Variants in RFFL observed in about 807,000 individuals in gnomAD.
RFFL encodes the protein ring finger and FYVE like domain containing E3 ubiquitin protein ligase.
In RFFL, 16 loss-of-function variants were observed where a neutral mutation model predicts 40.4. The ratio of observed to expected loss-of-function variants is 0.40; its 90% confidence interval spans 0.27 to 0.60. RFFL has a LOEUF of 0.60. Among genes scored for constraint, RFFL ranks in the 20% least tolerant of loss-of-function variants. The pLI is 0.47. For missense variants in RFFL, 367 were observed against 451.7 expected, an observed-to-expected ratio of 0.81 and a Z score of 1.70; for synonymous variants, 154 against 167.9, an observed-to-expected ratio of 0.92 and a Z score of 0.64.
At chr17:35,027,160 T>C (rs2091046774) in intron 1 of RFFL, among the ~76,000 whole-genome samples, 2 of 152,214 alleles carry the variant, frequency 1.3e-5, no homozygotes, top group Non-Finnish European at 2.9e-5. Flanking sequence ...TATACTATGT[T>C]GTCCATTCAT....
chr17:35,085,557 G>A (rs2091425231), intron 1 of RFFL, among the ~76,000 whole-genome samples: 1 of 152,152 alleles, frequency 6.6e-6, no homozygotes, highest in Non-Finnish European at 1.5e-5. Flanking sequence ...AGTCTCTCAA[G>A]TAGCTGGAAT....
At position 35,007,648 on chromosome 17, in the gene RFFL, AGTC is replaced by A. The variant is rs1490241633; in HGVS notation, c.*4317_*4319del. 1.3e-5 allele frequency: 2 copies of A among 152,128 alleles called. No homozygotes were observed. The highest frequency in any genetic ancestry group is 2.9e-5 in the Non-Finnish European group (2 of 68,086). 9.4% of individuals were successfully genotyped at this position (152,128 alleles called of 1,614,324 possible). ...TTCTCCCAGGGGCTGCATTCTCAGTAGTCTTTTCCCTGCTCCTTGGGCGCCTGG... is the reference window on the plus strand; with the variant it reads ...TTCTCCCAGGGGCTGCATTCTCAGTATTTTCCCTGCTCCTTGGGCGCCTGG... On this transcript the variant is annotated 3_prime_UTR_variant, in exon 7 of 7. Coordinates refer to ENST00000394597, the MANE Select transcript of RFFL (RefSeq NM_001017368.2).
At chr17:35,042,823 C>CAAAAAAA (rs11296826) in intron 1 of RFFL, among the ~76,000 whole-genome samples, 14 of 60,446 alleles carry the variant, frequency 2.3e-4, no homozygotes, top group Admixed American at 4.1e-4. Context: ...GACTCCATCT[C>CAAAAAAA]AAAAAAAAAA....
At chr17:35,013,630 C>T (rs570653164) in intron 6 of RFFL, among the ~76,000 whole-genome samples, 8 of 152,256 alleles carry the variant, frequency 5.3e-5, no homozygotes, top group African/African-American at 1.9e-4. Flanking sequence ...GGGAGTGAAA[C>T]CCATTTGCCT....
At chr17:35,071,515 G>A (rs903822199) in intron 1 of RFFL, among the ~76,000 whole-genome samples, 14 of 152,016 alleles carry the variant, frequency 9.2e-5, no homozygotes, top group Non-Finnish European at 2.1e-4. Flanking sequence ...CTACTTGGGA[G>A]GCTGAGGCAG....
chr17:35,018,037 T>C (rs147814918), intron 3 of RFFL, among the ~76,000 whole-genome samples: 2 of 152,286 alleles, frequency 1.3e-5, no homozygotes, highest in East Asian at 1.9e-4. Flanking sequence ...CATAGTCTCC[T>C]GGGGTTTTTG....
intron 1 of RFFL, among the ~76,000 whole-genome samples, chr17:35,030,410 T>A (rs917732736): frequency 6.6e-6 from 1 of 151,654 alleles, no homozygotes; most frequent in Non-Finnish European, 1.5e-5. Context: ...GGTATCTCAT[T>A]GTGGTTTTGA....
rs2090912819 is a variant in RFFL, at chr17:35,008,564, G to C, written c.*3404C>G. 6.6e-6 allele frequency: 1 copy of C among 151,982 alleles called. No homozygotes were observed. Among genetic ancestry groups the C allele is most frequent in the Non-Finnish European group, 1.5e-5 (1 of 67,992 alleles). 9.4% of individuals were successfully genotyped at this position (151,982 alleles called of 1,614,324 possible). A position where few individuals can be genotyped will look rare whatever the true frequency, so the allele number is the denominator to read the frequency against. ...TCCCACCTCAGCCTTCCAAGTAGTT[G>C]GGACTACCCACATGCACCACCATGC... On this transcript the variant is annotated 3_prime_UTR_variant, in exon 7 of 7. Coordinates refer to ENST00000394597, the MANE Select transcript of RFFL (RefSeq NM_001017368.2).
chr17:35,061,551 G>A (rs560439479), intron 1 of RFFL, among the ~76,000 whole-genome samples: 25 of 152,226 alleles, frequency 1.6e-4, no homozygotes, highest in Admixed American at 3.3e-4. Flanking sequence ...TCCACCTCCT[G>A]GGTGCAAGCA....
chr17:35,079,964 G>A (rs1464464358), intron 1 of RFFL, among the ~76,000 whole-genome samples: 1 of 152,184 alleles, frequency 6.6e-6, no homozygotes, highest in Non-Finnish European at 1.5e-5. Flanking sequence ...GACTGGGAAA[G>A]TCCTCATCTC....
chr17:35,043,587 TC>T (rs1018258937), intron 1 of RFFL, among the ~76,000 whole-genome samples: 2 of 152,142 alleles, frequency 1.3e-5, no homozygotes, highest in African/African-American at 2.4e-5. Flanking sequence ...ATGTAAAGGA[TC>T]AAAACTTTAG....
chr17:35,056,237 T>C (rs1381373617), intron 1 of RFFL, among the ~76,000 whole-genome samples: 1 of 152,256 alleles, frequency 6.6e-6, no homozygotes, highest in East Asian at 1.9e-4. Context: ...TAGCCTGACT[T>C]ACCTTTGACA....
At chr17:35,062,055 A>T (rs1418574694) in intron 1 of RFFL, among the ~76,000 whole-genome samples, 1 of 152,124 alleles carries the variant, frequency 6.6e-6, no homozygotes, top group African/African-American at 2.4e-5. Context: ...CCACACATCA[A>T]ACAGTACTCC....
At chr17:35,042,823 CAAAAAAA>C (rs11296826) in intron 1 of RFFL, among the ~76,000 whole-genome samples, 11 of 60,452 alleles carry the variant, frequency 1.8e-4, no homozygotes, top group East Asian at 1.0e-3. Context: ...GACTCCATCT[CAAAAAAA>C]AAAAAAAAAA....
In RFFL at chr17:35,054,379, T is replaced by G. The variant is rs376212740; in HGVS notation, c.-9+9197A>C. Among the ~76,000 whole-genome samples the G allele has an allele frequency of 3.9e-5, 6 of 152,336 alleles. No homozygotes were observed. The East Asian group carries it at 1.2e-3, about 29-fold the overall frequency. Reference sequence around the variant, plus strand: ...CAAGCTGAGGCCTCTTTCTGATTTATTTTTCCCACATCAGATGGGTAATGC... The same window carrying G: ...CAAGCTGAGGCCTCTTTCTGATTTAGTTTTCCCACATCAGATGGGTAATGC... On this transcript the variant is annotated intron_variant, in intron 1 of 6. Transcript: ENST00000394597.
intron 1 of RFFL, chr17:35,089,020 T>G (rs983809887): frequency 6.6e-6 from 1 of 152,604 alleles, no homozygotes; most frequent in Non-Finnish European, 1.5e-5. Context: ...GACCACAGCC[T>G]GACGGCACCC....
At chr17:35,045,293 C>T (rs1006312763) in intron 1 of RFFL, among the ~76,000 whole-genome samples, 1 of 151,876 alleles carries the variant, frequency 6.6e-6, no homozygotes, top group Non-Finnish European at 1.5e-5. Flanking sequence ...AGTGCAGTAG[C>T]ATGATCTCAG....
intron 5 of RFFL, among the ~76,000 whole-genome samples, 155 bp downstream of exon 5, chr17:35,016,215 C>G (rs1354638083): frequency 6.6e-6 from 1 of 152,170 alleles, no homozygotes; most frequent in Non-Finnish European, 1.5e-5. Flanking sequence ...GACACTCAAC[C>G]ACAAATGACA....
intron 1 of RFFL, among the ~76,000 whole-genome samples, chr17:35,084,088 A>C (rs946268010): frequency 6.6e-6 from 1 of 151,644 alleles, no homozygotes; most frequent in Non-Finnish European, 1.5e-5. Context: ...AAAACACAAA[A>C]ATTAGCCGGG....
Sources: allele counts gnomAD v4.1 joint callset (sites outside exome capture counted in the v4.1 genomes callset), GRCh38; gene constraint gnomAD v4.1.1; transcripts MANE v1.5; gene names NCBI Gene and HGNC (gene_info 2026-07-23, HGNC 2026-07-21).